The following XKR6 variants were observed in gnomAD, a reference collection of about 807,000 sequenced individuals.
The protein encoded by XKR6 is XK related 6.
XKR6 carries 22 observed loss-of-function variants against 56.7 expected under a neutral mutation model. That is an observed-to-expected ratio of 0.39 (90% CI 0.28 to 0.55). XKR6 has a LOEUF of 0.55. Ranked by LOEUF, XKR6 falls within the 20% of genes least tolerant of loss-of-function variation. XKR6 has a pLI of 0.66. For synonymous variants in XKR6, 524 were observed against 387.8 expected (o/e 1.35, Z -4.13); for missense variants, 852 against 889.0 (o/e 0.96, Z 0.53).
chr8:11,151,769 G>A (rs535543323), intron 1 of XKR6, among the ~76,000 whole-genome samples: 2 of 150,796 alleles, frequency 1.3e-5, no homozygotes, highest in South Asian at 2.1e-4. Context: ...ACATCCCCCC[G>A]CTCCGCCTTT....
At chr8:11,065,829 T>A (rs1349766817) in intron 1 of XKR6, among the ~76,000 whole-genome samples, 2 of 152,302 alleles carry the variant, frequency 1.3e-5, no homozygotes, top group East Asian at 3.9e-4. Flanking sequence ...TGTCCTCAAA[T>A]AGGCAGTGGC....
At chr8:10,949,509 C>G (rs1480691479) in intron 1 of XKR6, among the ~76,000 whole-genome samples, 2 of 152,224 alleles carry the variant, frequency 1.3e-5, no homozygotes, top group African/African-American at 4.8e-5. Flanking sequence ...GGAAGGCACA[C>G]CTGTTCCTAG....
intron 1 of XKR6, among the ~76,000 whole-genome samples, chr8:10,957,032 C>G (rs1801910568): frequency 6.6e-6 from 1 of 152,162 alleles, no homozygotes; most frequent in Admixed American, 6.5e-5. Flanking sequence ...ATTGCTACAA[C>G]CTCTGCCTCC....
chr8:11,118,515 C>A (rs1157428203), intron 1 of XKR6, among the ~76,000 whole-genome samples: 1 of 152,216 alleles, frequency 6.6e-6, no homozygotes, highest in Non-Finnish European at 1.5e-5. Flanking sequence ...AGAGATTCAA[C>A]TTCTTCCTGG....
At chr8:11,117,694 G>A (rs1322804910) in intron 1 of XKR6, among the ~76,000 whole-genome samples, 1 of 151,870 alleles carries the variant, frequency 6.6e-6, no homozygotes, top group Admixed American at 6.6e-5. Flanking sequence ...AACCCTAGGA[G>A]CCAAAAAAGA....
Position 10,898,561 on chromosome 8 carries a change from T to C in XKR6, c.1317A>G (p.Arg439=). ...TCGTATAATATGCAAACATTCGATATCGAGTCCGCCCTTCCTTGACGTTAA... is the reference window on the plus strand; with the variant it reads ...TCGTATAATATGCAAACATTCGATACCGAGTCCGCCCTTCCTTGACGTTAA... The part of the protein sequence containing the change: ...CWFNVKEGRT[R]YRMFAYYTIV... Residue 439 remains arginine (R), a synonymous_variant, in exon 3 of 3, where the codon CGA becomes CGG. Coordinates refer to ENST00000416569, the MANE Select transcript of XKR6 (RefSeq NM_173683.4). The surrounding 1 kb of genome is among the most constrained non-coding windows in gnomAD (Gnocchi z 6.6). The C allele has an allele frequency of 1.9e-6, 3 of 1,614,096 alleles. No individual in the cohort carries two copies. The highest frequency in any genetic ancestry group is 2.5e-6 in the Non-Finnish European group (3 of 1,180,028).
chr8:11,125,425 T>C, intron 1 of XKR6, among the ~76,000 whole-genome samples: 1 of 152,110 alleles, frequency 6.6e-6, no homozygotes, highest in East Asian at 1.9e-4. Flanking sequence ...CACCAAGATC[T>C]AGAAACAACT....
At chr8:11,150,324 C>A (rs907476806) in intron 1 of XKR6, among the ~76,000 whole-genome samples, 1 of 152,136 alleles carries the variant, frequency 6.6e-6, no homozygotes, top group Non-Finnish European at 1.5e-5. Context: ...ATCCATGTAA[C>A]AAAACACCAC....
At chr8:11,011,658 A>C (rs979045086) in intron 1 of XKR6, among the ~76,000 whole-genome samples, 2 of 152,224 alleles carry the variant, frequency 1.3e-5, no homozygotes, top group Non-Finnish European at 2.9e-5. Flanking sequence ...GTTGCAGAGA[A>C]GGATAGAGCA....
intron 1 of XKR6, among the ~76,000 whole-genome samples, 189 bp from the exon 2 acceptor site, chr8:10,925,019 G>A (rs566540909): frequency 1.3e-5 from 2 of 152,276 alleles, no homozygotes; most frequent in Non-Finnish European, 2.9e-5. Flanking sequence ...GCATGGGGGA[G>A]GGGCGGGGCA....
intron 1 of XKR6, chr8:11,111,746 T>C (rs1421233034): frequency 6.6e-6 from 1 of 152,186 alleles, no homozygotes; most frequent in Non-Finnish European, 1.5e-5. Flanking sequence ...TGTTATTAGA[T>C]ATACTTTAAT....
chr8:11,158,627 A>G (rs1801640735), intron 1 of XKR6, among the ~76,000 whole-genome samples: 2 of 152,226 alleles, frequency 1.3e-5, no homozygotes, highest in African/African-American at 4.8e-5. Context: ...CACCTCCATC[A>G]ATAGCAAAAA....
At chr8:10,937,763 G>T (rs1315508394) in intron 1 of XKR6, among the ~76,000 whole-genome samples, 2 of 150,904 alleles carry the variant, frequency 1.3e-5, no homozygotes, top group Admixed American at 6.6e-5. Flanking sequence ...CCCGTTCTCA[G>T]ATCTCCAGCT....
At chr8:11,182,250 G>C (rs938520588) in intron 1 of XKR6, among the ~76,000 whole-genome samples, 2 of 152,188 alleles carry the variant, frequency 1.3e-5, no homozygotes, top group African/African-American at 4.8e-5. Flanking sequence ...GACCACAGGT[G>C]ACGTCGTAGG....
rs577005188 is a variant in XKR6, at chr8:11,160,848, G to A, written c.764+39728C>T. ...AAACCCTTGAACCCGGGAGGCGGAGGTTGCAGTGAGCCGAGATCACACCAC... is the reference window on the plus strand; with the variant it reads ...AAACCCTTGAACCCGGGAGGCGGAGATTGCAGTGAGCCGAGATCACACCAC... On this transcript the variant is annotated intron_variant, in intron 1 of 2. Transcript: ENST00000416569. Among the ~76,000 whole-genome samples, 429 of 141,348 alleles carry A rather than the reference G, an allele frequency of 3.0e-3. 1 individual carries two copies. Among genetic ancestry groups the A allele is most frequent in the African/African-American group, 0.011 (420 of 36,904 alleles). 92.7% of individuals were successfully genotyped at this position (141,348 alleles called of 152,430 possible). A position where few individuals can be genotyped will look rare whatever the true frequency, so the allele number is the denominator to read the frequency against.
At chr8:11,159,806 T>C (rs1586631959) in intron 1 of XKR6, among the ~76,000 whole-genome samples, 1 of 152,210 alleles carries the variant, frequency 6.6e-6, no homozygotes, top group African/African-American at 2.4e-5. Flanking sequence ...TCTAGAAATT[T>C]TGCTTACTCT....
chr8:11,022,639 G>C (rs1038942112), intron 1 of XKR6, among the ~76,000 whole-genome samples: 1 of 152,094 alleles, frequency 6.6e-6, no homozygotes, highest in Non-Finnish European at 1.5e-5. Flanking sequence ...CCATCCCTAC[G>C]ACCCACAGAA....
In XKR6 at chr8:11,089,708, C is replaced by T. The variant is rs1798003360; in HGVS notation, c.764+110868G>A. Among the ~76,000 whole-genome samples the T allele has an allele frequency of 3.3e-5, 5 of 152,182 alleles. No homozygotes were observed. In the South Asian group the frequency reaches 1.0e-3, roughly 32 times the overall value. On this transcript the variant is annotated intron_variant, in intron 1 of 2. Coordinates refer to ENST00000416569, the MANE Select transcript of XKR6 (RefSeq NM_173683.4). ...AATAATATTACAAGGAGCACATGTA[C>T]ACCCACTCAGCTTTGACAAAATTTA...
chr8:11,191,065 T>C (rs770025946), intron 1 of XKR6, among the ~76,000 whole-genome samples: 7 of 152,124 alleles, frequency 4.6e-5, no homozygotes, highest in Non-Finnish European at 8.8e-5. Context: ...AACTAGGACA[T>C]AGGGGGCCTT....
Sources: gnomAD v4.1 joint callset for allele counts (sites outside exome capture counted in the v4.1 genomes callset) on GRCh38, gnomAD v4.1.1 for gene constraint, Gnocchi (gnomAD v3.1) non-coding constraint, MANE v1.5 for transcripts, NCBI Gene and HGNC (gene_info 2026-07-23, HGNC 2026-07-21) for gene names.